CDK14: variants seen among roughly 807,000 people sequenced by gnomAD.
CDK14 encodes cyclin-dependent kinase 14.
A neutral mutation model predicts 60.7 loss-of-function variants in CDK14; 34 were observed. The ratio of observed to expected loss-of-function variants is 0.56; its 90% CI spans 0.43 to 0.75. The LOEUF is 0.75. CDK14 is among the 30% of genes least tolerant of loss of function. CDK14 has a pLI of 0.00. For synonymous variants in CDK14, 197 were observed against 203.7 expected, an observed-to-expected ratio of 0.97 and a Z score of 0.28; for missense variants, 482 against 564.1, an observed-to-expected ratio of 0.85 and a Z score of 1.47.
At chr7:91,167,719 C>T (rs1248490983) in intron 14 of CDK14, among the ~76,000 whole-genome samples, 1 of 152,060 alleles carries the variant, frequency 6.6e-6, no homozygotes, top group African/African-American at 2.4e-5. Flanking sequence ...GCCGTACAGC[C>T]GACTGCCTAC....
At chr7:90,596,909 C>T (rs1379632515) in intron 1 of CDK14, among the ~76,000 whole-genome samples, 191 bp downstream of exon 1, 1 of 152,110 alleles carries the variant, frequency 6.6e-6, no homozygotes, top group Non-Finnish European at 1.5e-5. Context: ...CCCTCTTCCT[C>T]AGGATCTGGG....
chr7:90,648,642 G>A (rs1379941356), intron 2 of CDK14, among the ~76,000 whole-genome samples: 1 of 152,112 alleles, frequency 6.6e-6, no homozygotes, highest in Non-Finnish European at 1.5e-5. Flanking sequence ...CCAGCACTGA[G>A]CCCAATTCTG....
chr7:91,053,038 T>C (rs1797436619), intron 11 of CDK14, among the ~76,000 whole-genome samples: 1 of 152,140 alleles, frequency 6.6e-6, no homozygotes, highest in Admixed American at 6.5e-5. Context: ...TCCTTCCTCT[T>C]CTCTGGCCTG....
At chr7:90,807,105 C>G (rs1788877221) in intron 5 of CDK14, among the ~76,000 whole-genome samples, 2 of 152,344 alleles carry the variant, frequency 1.3e-5, no homozygotes, top group South Asian at 4.1e-4. Context: ...TGTCTGACAG[C>G]TTTGAAGAGA....
chr7:91,031,986 C>T (rs1796774896), intron 10 of CDK14, among the ~76,000 whole-genome samples: 1 of 152,140 alleles, frequency 6.6e-6, no homozygotes, highest in Non-Finnish European at 1.5e-5. Flanking sequence ...ACATAAGCCT[C>T]TCTTTGTGAG....
At chr7:90,963,314 G>A (rs185241807) in intron 9 of CDK14, among the ~76,000 whole-genome samples, 1 of 151,894 alleles carries the variant, frequency 6.6e-6, no homozygotes, top group East Asian at 1.9e-4. Context: ...CCCACAGGAG[G>A]CTGATGTGGG....
chr7:90,859,383 C>T (rs1018588899), intron 5 of CDK14, among the ~76,000 whole-genome samples: 2 of 152,192 alleles, frequency 1.3e-5, no homozygotes, highest in African/African-American at 4.8e-5. Context: ...GTAATACTGA[C>T]AGTTAGTGTA....
At chr7:91,143,632 G>C (rs1303825545) in intron 14 of CDK14, among the ~76,000 whole-genome samples, 1 of 152,054 alleles carries the variant, frequency 6.6e-6, no homozygotes. Context: ...GAGGTGGGAG[G>C]ATCACTTGAT....
chr7:91,155,843 C>A (rs1381256147), intron 14 of CDK14, among the ~76,000 whole-genome samples: 2 of 152,176 alleles, frequency 1.3e-5, no homozygotes, highest in Non-Finnish European at 2.9e-5. Context: ...AAAGCATTTA[C>A]TTCCTAGCTC....
chr7:90,784,226 C>T (rs2116942798), intron 4 of CDK14, among the ~76,000 whole-genome samples: 1 of 152,148 alleles, frequency 6.6e-6, no homozygotes, highest in African/African-American at 2.4e-5. Context: ...AAATTGTTCT[C>T]ATGGAGGTAG....
intron 14 of CDK14, among the ~76,000 whole-genome samples, chr7:91,176,918 T>C (rs1236980423): frequency 1.3e-5 from 2 of 152,138 alleles, no homozygotes; most frequent in African/African-American, 2.4e-5. Flanking sequence ...GAAACTATTC[T>C]AATCAATAGA....
At chr7:90,608,365 G>T (rs899986928) in intron 2 of CDK14, among the ~76,000 whole-genome samples, 1 of 152,154 alleles carries the variant, frequency 6.6e-6, no homozygotes, top group South Asian at 2.1e-4. Flanking sequence ...ATTACCACGC[G>T]TAAAACCTTT....
At chr7:91,118,232 A>C (rs1468557408) in intron 14 of CDK14, 24 bp downstream of exon 14, 7 of 1,069,686 alleles carry the variant, frequency 6.5e-6, no homozygotes, top group Non-Finnish European at 8.5e-6. Context: ...CTTTACCTGG[A>C]AAGTAATATT....
intron 4 of CDK14, among the ~76,000 whole-genome samples, chr7:90,761,504 G>T (rs1369556355): frequency 6.6e-6 from 1 of 152,094 alleles, no homozygotes; most frequent in Non-Finnish European, 1.5e-5. Flanking sequence ...CTGCTTTATT[G>T]TTACTGTCAT....
chr7:91,124,349 A>G (rs1428240288), intron 14 of CDK14, among the ~76,000 whole-genome samples: 2 of 152,220 alleles, frequency 1.3e-5, no homozygotes. Context: ...CCGCCATCAC[A>G]TACAAATTTG....
At chr7:91,048,185 A>G (rs1797295067) in intron 11 of CDK14, among the ~76,000 whole-genome samples, 1 of 152,198 alleles carries the variant, frequency 6.6e-6, no homozygotes, top group African/African-American at 2.4e-5. Flanking sequence ...ACCCCACCAC[A>G]GGCCCTCAGC....
chr7:90,699,234 C>A (rs775289808), intron 2 of CDK14, among the ~76,000 whole-genome samples: 1 of 152,230 alleles, frequency 6.6e-6, no homozygotes, highest in Non-Finnish European at 1.5e-5. Flanking sequence ...CCAGACTGAT[C>A]TGAACCAAGA....
chr7:90,825,512 A>G (rs1263823818), intron 5 of CDK14, among the ~76,000 whole-genome samples: 3 of 152,210 alleles, frequency 2.0e-5, no homozygotes, highest in African/African-American at 4.8e-5. Context: ...GCTAGAAAAC[A>G]TTTATATCTT....
chr7:90,693,970 T>G (rs1303017559), intron 2 of CDK14, among the ~76,000 whole-genome samples: 1 of 152,170 alleles, frequency 6.6e-6, no homozygotes, highest in Non-Finnish European at 1.5e-5. Flanking sequence ...TGGAATTAAG[T>G]CATTTGGGTG....
Sources: gnomAD v4.1 joint callset for allele counts (sites outside exome capture counted in the v4.1 genomes callset) on GRCh38, gnomAD v4.1.1 for gene constraint, MANE v1.5 for transcripts, NCBI Gene and HGNC (gene_info 2026-07-23, HGNC 2026-07-21) for gene names.